REEP3: variants seen among roughly 807,000 people sequenced by gnomAD.
REEP3 encodes the protein receptor accessory protein 3.
REEP3 carries 20 observed loss-of-function variants against 41.3 expected under a neutral mutation model. The ratio of observed to expected loss-of-function variants is 0.48; its 90% CI spans 0.34 to 0.70. The LOEUF (loss-of-function observed/expected upper bound fraction) is 0.70, where lower values mean the gene tolerates loss of function less well. Among genes scored for constraint, REEP3 ranks in the 30% least tolerant of loss-of-function variants. REEP3 has a pLI of 0.01. For missense variants in REEP3, 271 were observed against 308.8 expected, an observed-to-expected ratio of 0.88 and a Z score of 0.92; for synonymous variants, 104 against 101.8, an observed-to-expected ratio of 1.02 and a Z score of -0.13.
At chr10:63,606,178 T>TTCCA in intron 5 of REEP3, 1 of 744,536 alleles carries the variant, frequency 1.3e-6, no homozygotes, top group Non-Finnish European at 1.6e-6. Context: ...AAATATGGAA[T>TTCCA]TATCTTGTGA....
intron 2 of REEP3, among the ~76,000 whole-genome samples, chr10:63,590,235 G>T (rs1373212683): frequency 6.6e-6 from 1 of 152,128 alleles, no homozygotes; most frequent in African/African-American, 2.4e-5. Context: ...AAAAATCATG[G>T]TTATTTACTT....
rs562176985 is a variant in REEP3 at position 63,562,255 on chromosome 10, G to GTT, written c.33-4066_33-4065dup. 5.0e-4 allele frequency among the ~76,000 whole-genome samples: 68 copies of GTT among 136,038 alleles called. No homozygotes were observed. In the East Asian group the frequency reaches 5.4e-3, roughly 11 times the overall value. 89.2% of individuals were successfully genotyped at this position (136,038 alleles called of 152,430 possible). ...AGGTAATATTGTTAAATAAGGCAGA[G>GTT]TTTTTTTTTTTTTTTTTTAGAGACG... is the stretch of plus-strand genomic sequence containing the variant. On this transcript the variant is annotated intron_variant, in intron 1 of 7. Coordinates refer to ENST00000373758, the MANE Select transcript of REEP3 (RefSeq NM_001001330.3).
Position 63,623,203 on chromosome 10 carries a change from C to G in REEP3, c.*2334C>G, listed in dbSNP as rs1339672596. 1.3e-5 allele frequency: 2 copies of G among 152,228 alleles called. No homozygotes were observed. Among genetic ancestry groups the G allele is most frequent in the Admixed American group, 1.3e-4 (2 of 15,288 alleles). 9.4% of individuals were successfully genotyped at this position (152,228 alleles called of 1,614,324 possible). Reference sequence around the variant, plus strand: ...ACATTCACAGTGCTTCCTCTGATATCTTTCCTTACATCATTATACACTGTT... The same window carrying G: ...ACATTCACAGTGCTTCCTCTGATATGTTTCCTTACATCATTATACACTGTT... On this transcript the variant is annotated 3_prime_UTR_variant, in exon 8 of 8. Transcript: ENST00000373758.
At chr10:63,602,874 C>T (rs1161791251) in intron 5 of REEP3, among the ~76,000 whole-genome samples, 1 of 152,104 alleles carries the variant, frequency 6.6e-6, no homozygotes, top group African/African-American at 2.4e-5. Flanking sequence ...ATAGTAGGTA[C>T]TGGGAATGTA....
In REEP3 at chr10:63,621,833, A is replaced by G. The variant is rs1355293839; in HGVS notation, c.*964A>G. ...AGCACTTAGATCCCTTCTAACTCAT[A>G]TAATTTTTCTCAGCCAATCCATTCA... is the stretch of plus-strand genomic sequence containing the variant. On this transcript the variant is annotated 3_prime_UTR_variant, in exon 8 of 8. Coordinates refer to ENST00000373758, the MANE Select transcript of REEP3 (RefSeq NM_001001330.3). 1 of 152,246 alleles carries G rather than the reference A, an allele frequency of 6.6e-6. No individual in the cohort carries two copies. The highest frequency in any genetic ancestry group is 1.9e-4 in the East Asian group (1 of 5,208). 9.4% of individuals were successfully genotyped at this position (152,246 alleles called of 1,614,324 possible).
chr10:63,589,847 T>C (rs1426056597), intron 2 of REEP3, among the ~76,000 whole-genome samples: 1 of 141,236 alleles, frequency 7.1e-6, no homozygotes, highest in East Asian at 2.4e-4. Context: ...CATGTTGGAG[T>C]ATAGTGTCAT....
At chr10:63,608,882 A>C (rs1258239795) in intron 5 of REEP3, among the ~76,000 whole-genome samples, 1 of 152,200 alleles carries the variant, frequency 6.6e-6, no homozygotes, top group African/African-American at 2.4e-5. Flanking sequence ...TGGCTAGTGC[A>C]ATTAAAGAAC....
chr10:63,526,225 A>G (rs962663140), intron 1 of REEP3, among the ~76,000 whole-genome samples: 2 of 152,150 alleles, frequency 1.3e-5, no homozygotes, highest in East Asian at 1.9e-4. Flanking sequence ...AGCATCTTCT[A>G]TGTTGCTCTG....
intron 6 of REEP3, among the ~76,000 whole-genome samples, chr10:63,615,521 A>G (rs72838797): frequency 0.045 from 6,785 of 151,286 alleles, 248 homozygotes; most frequent in African/African-American, 0.093. Context: ...TGATTCAAGG[A>G]TTGGTTTAAT....
chr10:63,606,270 T>TCTTTCTTTTTCTTTCTTTC (rs1554808475), intron 5 of REEP3, among the ~76,000 whole-genome samples: 10 of 151,526 alleles, frequency 6.6e-5, no homozygotes, highest in Non-Finnish European at 1.0e-4. Context: ...TCTTTTTCTT[T>TCTTTCTTTTTCTTTCTTTC]CTTTCTTTTT....
rs779187323 is a variant in REEP3, at chr10:63,620,880, G to A, written c.*11G>A. 103 of 1,582,294 alleles carry A rather than the reference G, an allele frequency of 6.5e-5. No individual in the cohort carries two copies. The highest frequency in any genetic ancestry group is 8.1e-5 in the Non-Finnish European group (94 of 1,153,998). ...CAAGTGTATTTTTAGTCATCTACACGTCAAATATCCCAAGACAGATTATGC... is the reference window on the plus strand; with the variant it reads ...CAAGTGTATTTTTAGTCATCTACACATCAAATATCCCAAGACAGATTATGC... On this transcript the variant is annotated 3_prime_UTR_variant, in exon 8 of 8. Transcript: ENST00000373758.
rs1194444719 is a variant in REEP3 at position 63,613,732 on chromosome 10, T to C, written c.565+3398T>C. ...GGTGGAGGAAAGACAGATTATTTAA[T>C]AAGTGATGCTAGGATAACTGTTAGA... On this transcript the variant is annotated intron_variant, in intron 6 of 7. Coordinates refer to ENST00000373758, the MANE Select transcript of REEP3 (RefSeq NM_001001330.3). 2.6e-5 allele frequency among the ~76,000 whole-genome samples: 4 copies of C among 152,190 alleles called. No individual in the cohort carries two copies. The East Asian group carries it at 7.7e-4, about 29-fold the overall frequency.
At chr10:63,609,927 T>TA (rs1367896115) in intron 5 of REEP3, among the ~76,000 whole-genome samples, 1 of 152,174 alleles carries the variant, frequency 6.6e-6, no homozygotes, top group African/African-American at 2.4e-5. Flanking sequence ...TAAAATTAAA[T>TA]ATGATGCTGA....
intron 2 of REEP3, among the ~76,000 whole-genome samples, chr10:63,586,092 T>C (rs1355731112): frequency 2.0e-5 from 3 of 152,226 alleles, no homozygotes; most frequent in African/African-American, 7.2e-5. Context: ...TGCATACCTA[T>C]TAAATGAAGC....
chr10:63,539,586 A>C (rs1043682420), intron 1 of REEP3, among the ~76,000 whole-genome samples: 2 of 152,154 alleles, frequency 1.3e-5, no homozygotes, highest in African/African-American at 2.4e-5. Context: ...TGAGCCTAGC[A>C]GTTCGAGATC....
intron 1 of REEP3, among the ~76,000 whole-genome samples, chr10:63,564,454 C>G (rs1955776967): frequency 6.6e-6 from 1 of 151,806 alleles, no homozygotes; most frequent in Non-Finnish European, 1.5e-5. Flanking sequence ...GAAATCCCAT[C>G]TCTACTAAAA....
At chr10:63,550,870 A>G (rs1023363297) in intron 1 of REEP3, among the ~76,000 whole-genome samples, 4 of 152,254 alleles carry the variant, frequency 2.6e-5, no homozygotes, top group Non-Finnish European at 4.4e-5. Flanking sequence ...CTTGCTTTCA[A>G]TGTAGGAAAG....
At chr10:63,523,020 CA>C (rs35537600) in intron 1 of REEP3, among the ~76,000 whole-genome samples, 74,916 of 118,230 alleles carry the variant, frequency 0.63, 21,911 homozygotes, top group Non-Finnish European at 0.73. Context: ...CTGTACTTTA[CA>C]AAAAAAAAAA....
At chr10:63,538,197 A>G (rs1955493462) in intron 1 of REEP3, among the ~76,000 whole-genome samples, 1 of 152,130 alleles carries the variant, frequency 6.6e-6, no homozygotes, top group South Asian at 2.1e-4. Context: ...TTTCTTGCCT[A>G]TTTTGTTAGT....
Sources: allele counts gnomAD v4.1 joint callset (sites outside exome capture counted in the v4.1 genomes callset), GRCh38; gene constraint gnomAD v4.1.1; transcripts MANE v1.5; gene names NCBI Gene and HGNC (gene_info 2026-07-23, HGNC 2026-07-21).